Variants in CPS1 observed in about 807,000 individuals in gnomAD.
CPS1 encodes the protein carbamoyl-phosphate synthase [ammonia], mitochondrial.
A neutral mutation model predicts 174.6 loss-of-function variants in CPS1; 109 were observed. The observed-to-expected ratio is 0.62, with a 90% CI of 0.53 to 0.73. The LOEUF (loss-of-function observed/expected upper bound fraction) is 0.73, where lower values mean the gene tolerates loss of function less well. CPS1 is among the 30% of genes least tolerant of loss of function. The pLI, the probability that CPS1 is intolerant of heterozygous loss-of-function variation, is 0.00. For synonymous variants in CPS1, 637 were observed against 632.0 expected, an observed-to-expected ratio of 1.01 and a Z score of -0.12; for missense variants, 1,689 against 1,821.9, an observed-to-expected ratio of 0.93 and a Z score of 1.33.
chr2:210,558,154 G>T (rs1242557644), intron 1 of CPS1, among the ~76,000 whole-genome samples: 1 of 151,996 alleles, frequency 6.6e-6, no homozygotes, highest in South Asian at 2.1e-4. Context: ...ATTCTAACAA[G>T]AGTATAGGAA....
rs1224901221 is a variant in CPS1, at chr2:210,488,525, T to C, written c.3+10759T>C. 4.6e-5 allele frequency among the ~76,000 whole-genome samples: 7 copies of C among 152,344 alleles called. No individual in the cohort carries two copies. In the East Asian group the frequency reaches 1.3e-3, roughly 29 times the overall value. Reference sequence around the variant, plus strand: ...TTGTAGTTTTCCAACTGTCTCCTTATTAACATGCTGCCTGTTTCCTCTATC... The same window carrying C: ...TTGTAGTTTTCCAACTGTCTCCTTACTAACATGCTGCCTGTTTCCTCTATC... On this transcript the variant is annotated intron_variant, in intron 1 of 38. Coordinates refer to the CPS1 transcript ENST00000430249.
Position 210,537,281 on chromosome 2 carries a change from G to A in CPS1, c.4-19438G>A, listed in dbSNP as rs921142306. On this transcript the variant is annotated intron_variant, in intron 1 of 38. Coordinates refer to the CPS1 transcript ENST00000430249. ...AAAGGGGAAAAACCCAACTATAACT[G>A]GTAAAACTCTTTCTATGTGAATAAT... Among the ~76,000 whole-genome samples, 5 of 152,158 alleles carry A rather than the reference G, an allele frequency of 3.3e-5. No individual in the cohort carries two copies. In the South Asian group the frequency reaches 1.0e-3, roughly 32 times the overall value.
Position 210,612,172 on chromosome 2 carries a change from G to A in CPS1, c.2447G>A (p.Cys816Tyr), listed in dbSNP as rs771274334. Residue 816 changes from cysteine to tyrosine, a missense_variant, in exon 20 of 38, where the codon TGC becomes TAC. Cys to Tyr is a radical substitution (Grantham distance 194, BLOSUM62 -2). Coordinates refer to ENST00000233072, the MANE Select transcript of CPS1 (RefSeq NM_001875.5). ...EESFQKALRM[C>Y]HPSIEGFTPR... ...AGTTTCCAGAAAGCTTTACGGATGT[G>A]CCACCCATCTATAGAAGGTTTCACT... 5.0e-6 allele frequency: 8 copies of A among 1,612,030 alleles called. No individual in the cohort carries two copies. In the East Asian group the frequency reaches 1.1e-4, roughly 22 times the overall value.
At chr2:210,544,584 A>G (rs1411847579) in intron 1 of CPS1, among the ~76,000 whole-genome samples, 2 of 152,064 alleles carry the variant, frequency 1.3e-5, no homozygotes. Flanking sequence ...ATATGTAAAT[A>G]TTACTTGAAA....
chr2:210,547,479 AT>A (rs1397210566), intron 1 of CPS1, among the ~76,000 whole-genome samples: 1 of 151,968 alleles, frequency 6.6e-6, no homozygotes, highest in Non-Finnish European at 1.5e-5. Context: ...CCTTCACAAT[AT>A]TTTTTTCATT....
chr2:210,577,381 CT>C, intron 3 of CPS1, 39 bp from the exon 4 acceptor site: 1 of 1,469,768 alleles, frequency 6.8e-7, no homozygotes, highest in Non-Finnish European at 9.5e-7. Flanking sequence ...TGGATAATAT[CT>C]TGTGATAACC....
At chr2:210,529,011 T>C (rs894016024) in intron 1 of CPS1, among the ~76,000 whole-genome samples, 12 of 151,910 alleles carry the variant, frequency 7.9e-5, no homozygotes, top group African/African-American at 2.9e-4. Flanking sequence ...TTATTATATG[T>C]TTGGCTTTAT....
chr2:210,538,217 A>G (rs1419863552), intron 1 of CPS1, among the ~76,000 whole-genome samples: 1 of 152,166 alleles, frequency 6.6e-6, no homozygotes, highest in African/African-American at 2.4e-5. Flanking sequence ...TATGTTCTTC[A>G]AGTTTTAAAA....
At chr2:210,578,814 C>T (rs922571463) in intron 4 of CPS1, among the ~76,000 whole-genome samples, 45 of 152,122 alleles carry the variant, frequency 3.0e-4, no homozygotes, top group Non-Finnish European at 4.3e-4. Context: ...ACACTTCTCT[C>T]CCCCCAGCCC....
At position 210,556,875 on chromosome 2, in the gene CPS1, A is replaced by G; in HGVS notation, c.126+16A>G. On this transcript the variant is annotated intron_variant, in intron 1 of 37. Coordinates refer to ENST00000233072, the MANE Select transcript of CPS1 (RefSeq NM_001875.5). ...TTCTGTCAAGGTAATACCCATATTG[A>G]TTGTTTCTGATAAAATACTATGGGG... The G allele has an allele frequency of 3.1e-6, 5 of 1,612,208 alleles. No homozygotes were observed. The highest frequency in any genetic ancestry group is 1.7e-4 in the Middle Eastern group (1 of 6,046).
intron 33 of CPS1, among the ~76,000 whole-genome samples, chr2:210,664,670 A>G (rs373025890): frequency 2.6e-5 from 4 of 152,272 alleles, no homozygotes; most frequent in African/African-American, 9.6e-5. Flanking sequence ...TTCATTCTGC[A>G]TCCATACATA....
intron 1 of CPS1, among the ~76,000 whole-genome samples, chr2:210,535,819 GTTTTTT>G (rs67369344): frequency 3.4e-5 from 4 of 118,212 alleles, no homozygotes; most frequent in Non-Finnish European, 6.9e-5. Flanking sequence ...CTTTTTCCTT[GTTTTTT>G]TTTTTTTTTT....
At chr2:210,649,964 G>A (rs561540241) in intron 27 of CPS1, among the ~76,000 whole-genome samples, 2 of 152,314 alleles carry the variant, frequency 1.3e-5, no homozygotes, top group Admixed American at 1.3e-4. Flanking sequence ...ATCAGCTGTT[G>A]ATAATGAACT....
chr2:210,539,245 A>G (rs548072489), intron 1 of CPS1, among the ~76,000 whole-genome samples: 20 of 152,280 alleles, frequency 1.3e-4, no homozygotes, highest in African/African-American at 4.3e-4. Context: ...CTGTCATACA[A>G]TAAATGCCAT....
chr2:210,580,943 T>A (rs1020556306), intron 5 of CPS1, among the ~76,000 whole-genome samples: 2 of 151,306 alleles, frequency 1.3e-5, no homozygotes, highest in Admixed American at 6.6e-5. Flanking sequence ...TATACATATA[T>A]ATATTGACAC....
rs753496027 is a variant in CPS1 at position 210,637,748 on chromosome 2, T to G, written c.2734T>G (p.Phe912Val). ...CCTGAAAAGGGCAAAGGAGATTGGG[T>G]TCTCAGATAAGCAGATTTCAAAATG... ...ETLKRAKEIG[F>V]SDKQISKCLG... Residue 912 changes from phenylalanine to valine, a missense_variant, in exon 22 of 38, where the codon TTC becomes GTC. By Grantham distance (50) the Phe-to-Val change is conservative. Coordinates refer to ENST00000233072, the MANE Select transcript of CPS1 (RefSeq NM_001875.5). 1.2e-6 allele frequency: 2 copies of G among 1,613,834 alleles called. No individual in the cohort carries two copies. Among genetic ancestry groups the G allele is most frequent in the East Asian group, 4.5e-5 (2 of 44,872 alleles).
At chr2:210,601,314 C>T (rs1311303549) in intron 15 of CPS1, among the ~76,000 whole-genome samples, 1 of 151,904 alleles carries the variant, frequency 6.6e-6, no homozygotes, top group African/African-American at 2.4e-5. Context: ...TTTTTGACTT[C>T]AGGCTCATAG....
chr2:210,609,135 C>A lies in CPS1; in HGVS notation c.2391+576C>A, dbSNP rs193143354. The stretch of plus-strand genomic sequence containing the variant: ...CCCTCTTTAATTATACTAAAAAGTT[C>A]TAAGCTTTTAACATCTTTAGAAGAT... On this transcript the variant is annotated intron_variant, in intron 19 of 37. Coordinates refer to ENST00000233072, the MANE Select transcript of CPS1 (RefSeq NM_001875.5). Among the ~76,000 whole-genome samples, 22 of 152,024 alleles carry A rather than the reference C, an allele frequency of 1.4e-4. No individual in the cohort carries two copies. In the East Asian group the frequency reaches 4.1e-3, roughly 28 times the overall value.
intron 21 of CPS1, among the ~76,000 whole-genome samples, chr2:210,622,889 G>GT (rs373215479): frequency 0.012 from 1,759 of 150,866 alleles, 35 homozygotes; most frequent in African/African-American, 0.04. Flanking sequence ...TCCTTATTTT[G>GT]TTTTTTTGGT....
Sources: allele counts gnomAD v4.1 joint callset (sites outside exome capture counted in the v4.1 genomes callset), GRCh38; gene constraint gnomAD v4.1.1; transcripts MANE v1.5; gene names NCBI Gene and HGNC (gene_info 2026-07-23, HGNC 2026-07-21).